Variants in ULK4 observed in about 807,000 individuals in gnomAD.
The protein encoded by ULK4 is inactive serine/threonine-protein kinase ULK4.
Under a neutral mutation model 160.6 loss-of-function variants are expected in ULK4, and 133 were observed. The ratio of observed to expected loss-of-function variants is 0.83; its 90% CI spans 0.72 to 0.96. The LOEUF (loss-of-function observed/expected upper bound fraction) is 0.96, where lower values mean the gene tolerates loss of function less well. ULK4 is among the 40% of genes least tolerant of loss of function. The pLI, the probability that ULK4 is intolerant of heterozygous loss-of-function variation, is 0.00. For synonymous variants in ULK4, 534 were observed against 539.8 expected (o/e 0.99, Z 0.15); for missense variants, 1,580 against 1,499.5 (o/e 1.05, Z -0.89).
At chr3:41,421,071 G>A (rs1199843415) in intron 34 of ULK4, among the ~76,000 whole-genome samples, 7 of 151,438 alleles carry the variant, frequency 4.6e-5, no homozygotes, top group African/African-American at 1.5e-4. Context: ...CTGAGATCAC[G>A]CCACTGCACT....
Position 41,935,783 on chromosome 3 carries a change from A to C in ULK4, c.378+18T>G. Reference sequence around the variant, plus strand: ...TGAGACAGAAGCAGTTAGAAAATCAAAAACTTTCATGAATTACCTTCCTAG... The same window carrying C: ...TGAGACAGAAGCAGTTAGAAAATCACAAACTTTCATGAATTACCTTCCTAG... On this transcript the variant is annotated intron_variant, in intron 4 of 36. Coordinates refer to ENST00000301831, the MANE Select transcript of ULK4 (RefSeq NM_017886.4). 2.5e-6 allele frequency: 4 copies of C among 1,592,836 alleles called. No homozygotes were observed. The South Asian group carries it at 4.6e-5, about 18-fold the overall frequency.
At chr3:41,538,172 T>A (rs866954030) in intron 32 of ULK4, among the ~76,000 whole-genome samples, 1 of 152,164 alleles carries the variant, frequency 6.6e-6, no homozygotes, top group Non-Finnish European at 1.5e-5. Context: ...TTTGCTTTAA[T>A]CAGTCATATA....
chr3:41,883,331 T>A (rs573787947), intron 17 of ULK4, among the ~76,000 whole-genome samples: 2 of 152,220 alleles, frequency 1.3e-5, no homozygotes, highest in Non-Finnish European at 2.9e-5. Flanking sequence ...TACCCCTTTT[T>A]TACTTCCTTC....
chr3:41,663,492 T>G, intron 30 of ULK4, 115 bp downstream of exon 30: 2 of 969,484 alleles, frequency 2.1e-6, no homozygotes, highest in South Asian at 1.5e-5. Flanking sequence ...AAAATGACGA[T>G]TTTGACAACT....
Position 41,499,593 on chromosome 3 carries a change from A to C in ULK4, c.3227-36340T>G, listed in dbSNP as rs539193367. On this transcript the variant is annotated intron_variant, in intron 32 of 36. Coordinates refer to ENST00000301831, the MANE Select transcript of ULK4 (RefSeq NM_017886.4). Reference sequence around the variant, plus strand: ...GGAGATTAAACCTTCACTTCTACATAAAGATTTTTTTTGTCCAATTTTGAC... The same window carrying C: ...GGAGATTAAACCTTCACTTCTACATCAAGATTTTTTTTGTCCAATTTTGAC... Among the ~76,000 whole-genome samples, 164 of 152,320 alleles carry C rather than the reference A, an allele frequency of 1.1e-3. 2 individuals are homozygous for C. Among genetic ancestry groups the C allele is most frequent in the Middle Eastern group, 0.01 (3 of 294 alleles).
intron 34 of ULK4, among the ~76,000 whole-genome samples, chr3:41,405,937 C>T (rs571229515): frequency 6.6e-6 from 1 of 151,806 alleles, no homozygotes; most frequent in East Asian, 1.9e-4. Flanking sequence ...CTAGGTTGTC[C>T]GTTTCTTTTG....
intron 35 of ULK4, among the ~76,000 whole-genome samples, chr3:41,328,082 T>G (rs2080370695): frequency 6.6e-6 from 1 of 152,032 alleles, no homozygotes; most frequent in African/African-American, 2.4e-5. Flanking sequence ...GGATGCAAAA[T>G]GATCTGAAGA....
chr3:41,895,334 G>T (rs78239477), intron 16 of ULK4, among the ~76,000 whole-genome samples, 184 bp downstream of exon 16: 1,939 of 152,094 alleles, frequency 0.013, 33 homozygotes, highest in African/African-American at 0.044. Context: ...TTAGGAGAAG[G>T]GCTATTTTTA....
chr3:41,734,795 A>G (rs946547589), intron 22 of ULK4, among the ~76,000 whole-genome samples: 7 of 152,214 alleles, frequency 4.6e-5, no homozygotes, highest in Admixed American at 1.3e-4. Context: ...TAAAAACAGG[A>G]AATTGTACCA....
rs545085509 is a variant in ULK4, at chr3:41,587,816, A to T, written c.3121-21686T>A. Among the ~76,000 whole-genome samples, 5 of 152,318 alleles carry T rather than the reference A, an allele frequency of 3.3e-5. No individual in the cohort carries two copies. In the South Asian group the frequency reaches 6.2e-4, roughly 19 times the overall value. On this transcript the variant is annotated intron_variant, in intron 31 of 36. Coordinates refer to ENST00000301831, the MANE Select transcript of ULK4 (RefSeq NM_017886.4). ...GTCACAGATAAAAGCTTTAAAATTAAATCTTTTTTAAATATCGGTTAATTA... is the reference window on the plus strand; with the variant it reads ...GTCACAGATAAAAGCTTTAAAATTATATCTTTTTTAAATATCGGTTAATTA...
At chr3:41,483,533 T>C (rs1382161950) in intron 32 of ULK4, among the ~76,000 whole-genome samples, 1 of 152,094 alleles carries the variant, frequency 6.6e-6, no homozygotes, top group Non-Finnish European at 1.5e-5. Flanking sequence ...AAGTAAATAA[T>C]GTAGAAAATA....
At chr3:41,953,304 A>ATATATATATATATTTT (rs1181182812) in intron 2 of ULK4, among the ~76,000 whole-genome samples, 2 of 124,818 alleles carry the variant, frequency 1.6e-5, no homozygotes, top group African/African-American at 6.2e-5. Flanking sequence ...ATATATATAT[A>ATATATATATATATTTT]TTTTTTTTTT....
chr3:41,592,550 T>A (rs1213087245), intron 31 of ULK4, among the ~76,000 whole-genome samples: 1 of 152,122 alleles, frequency 6.6e-6, no homozygotes, highest in South Asian at 2.1e-4. Context: ...CGTTCCTCAA[T>A]AACCTATGGA....
At chr3:41,769,482 T>A (rs895957206) in intron 21 of ULK4, among the ~76,000 whole-genome samples, 3 of 152,208 alleles carry the variant, frequency 2.0e-5, no homozygotes, top group Non-Finnish European at 4.4e-5. Context: ...TTGAAATTCA[T>A]CTTGTCATAC....
At chr3:41,713,537 C>A (rs949769293) in intron 25 of ULK4, among the ~76,000 whole-genome samples, 2 of 152,056 alleles carry the variant, frequency 1.3e-5, no homozygotes, top group Admixed American at 1.3e-4. Flanking sequence ...ATTCAAACTA[C>A]GAAAATAGAC....
At chr3:41,657,856 T>C (rs918689373) in intron 30 of ULK4, among the ~76,000 whole-genome samples, 9 of 113,536 alleles carry the variant, frequency 7.9e-5, no homozygotes, top group African/African-American at 3.8e-4. Context: ...TGATACCAAA[T>C]AACTGGGGAT....
At chr3:41,433,141 A>G (rs561257526) in intron 34 of ULK4, among the ~76,000 whole-genome samples, 1 of 152,344 alleles carries the variant, frequency 6.6e-6, no homozygotes, top group African/African-American at 2.4e-5. Flanking sequence ...TTACGAATCA[A>G]TGAAAGAGGT....
chr3:41,507,220 C>G (rs1425297462), intron 32 of ULK4, among the ~76,000 whole-genome samples: 1 of 148,696 alleles, frequency 6.7e-6, no homozygotes, highest in Non-Finnish European at 1.5e-5. Flanking sequence ...ATTCTGCTCC[C>G]CAGCTTCCTC....
At chr3:41,834,207 G>A (rs1001871634) in intron 18 of ULK4, among the ~76,000 whole-genome samples, 1 of 151,754 alleles carries the variant, frequency 6.6e-6, no homozygotes, top group Non-Finnish European at 1.5e-5. Flanking sequence ...AAAATTACCT[G>A]AGAATAAATT....
Sources: allele counts gnomAD v4.1 joint callset (sites outside exome capture counted in the v4.1 genomes callset), GRCh38; gene constraint gnomAD v4.1.1; transcripts MANE v1.5; gene names NCBI Gene and HGNC (gene_info 2026-07-23, HGNC 2026-07-21).